The following CASD1 variants were observed in gnomAD, a reference collection of about 807,000 sequenced individuals.
The protein encoded by CASD1 is CAS1 domain sialic acid O acetyltransferase 1, also known as N-acetylneuraminate (7)9-O-acetyltransferase.
In CASD1, 41 loss-of-function variants were observed where a neutral mutation model predicts 100.0. That is an observed-to-expected ratio of 0.41 (90% CI 0.32 to 0.53). The LOEUF (loss-of-function observed/expected upper bound fraction) is 0.53, where lower values mean the gene tolerates loss of function less well. Ranked by LOEUF, CASD1 falls within the 20% of genes least tolerant of loss-of-function variation. The probability of loss-of-function intolerance (pLI) is 0.25; values close to 1 mark genes in which losing one functional copy is unlikely to be tolerated. For missense variants in CASD1, 774 were observed against 948.7 expected (o/e 0.82, Z 2.42); for synonymous variants, 321 against 315.6 (o/e 1.02, Z -0.18).
chr7:94,581,492 A>G, the CASD1 span, among the ~76,000 whole-genome samples: 1 of 152,212 alleles, frequency 6.6e-6, no homozygotes, highest in African/African-American at 2.4e-5. Flanking sequence ...TAAGCCCAGC[A>G]CCTACTAGAT....
intron 1 of CASD1, among the ~76,000 whole-genome samples, chr7:94,512,943 T>C (rs989519870): frequency 1.3e-5 from 2 of 152,246 alleles, no homozygotes; most frequent in South Asian, 2.1e-4. Flanking sequence ...TCATGCCTTA[T>C]GTTACAGTCT....
chr7:94,570,142 A>T, the CASD1 span, among the ~76,000 whole-genome samples: 2 of 152,050 alleles, frequency 1.3e-5, no homozygotes, highest in Non-Finnish European at 2.9e-5. Flanking sequence ...GCAAAGTTTA[A>T]TCCATTTAAA....
intron 3 of CASD1, among the ~76,000 whole-genome samples, chr7:94,520,283 T>C (rs1465881071): frequency 6.6e-6 from 1 of 152,238 alleles, no homozygotes; most frequent in Non-Finnish European, 1.5e-5. Context: ...ATCTGGCATA[T>C]TATAAAAGCT....
At chr7:94,593,518 A>C in the CASD1 span, among the ~76,000 whole-genome samples, 1 of 151,974 alleles carries the variant, frequency 6.6e-6, no homozygotes, top group Non-Finnish European at 1.5e-5. Flanking sequence ...TATTTTTTAG[A>C]AAATCAAATA....
chr7:94,536,329 C>T (rs1051596245), intron 8 of CASD1, among the ~76,000 whole-genome samples: 4 of 152,104 alleles, frequency 2.6e-5, no homozygotes, highest in Non-Finnish European at 5.9e-5. Flanking sequence ...TCCAAGTTGA[C>T]CTATGGAAAG....
intron 3 of CASD1, among the ~76,000 whole-genome samples, chr7:94,524,647 T>TA (rs1164411689): frequency 6.6e-6 from 1 of 152,182 alleles, no homozygotes; most frequent in African/African-American, 2.4e-5. Flanking sequence ...GGGAAATTCT[T>TA]ACTCTTTTGT....
At chr7:94,568,856 C>G in the CASD1 span, among the ~76,000 whole-genome samples, 6 of 152,094 alleles carry the variant, frequency 3.9e-5, no homozygotes, top group South Asian at 2.1e-4. Flanking sequence ...GGAAATGGAC[C>G]CTTTCCAGAC....
chr7:94,552,272 G>T (rs1335688504), intron 15 of CASD1, 78 bp from the exon 16 acceptor site: 2 of 933,018 alleles, frequency 2.1e-6, no homozygotes, highest in East Asian at 2.5e-5. Context: ...ATAAAGAACT[G>T]TAAAAAAAAA....
chr7:94,553,131 C>T (rs1796029760), intron 16 of CASD1: 2 of 476,812 alleles, frequency 4.2e-6, no homozygotes, highest in African/African-American at 4.0e-5. Context: ...TTAGGTCTCA[C>T]ATTCATGATT....
chr7:94,572,879 C>T, the CASD1 span, among the ~76,000 whole-genome samples: 1 of 152,152 alleles, frequency 6.6e-6, no homozygotes, highest in Non-Finnish European at 1.5e-5. Context: ...ATATTTAAGC[C>T]TTTAGTCCAT....
intron 1 of CASD1, among the ~76,000 whole-genome samples, chr7:94,514,537 T>C (rs1463207632): frequency 1.3e-5 from 2 of 152,202 alleles, no homozygotes; most frequent in Non-Finnish European, 2.9e-5. Context: ...TTGGGGTTTA[T>C]ATGGGCCATC....
At chr7:94,586,387 A>G in the CASD1 span, 1 of 152,368 alleles carries the variant, frequency 6.6e-6, no homozygotes, top group Admixed American at 6.5e-5. Flanking sequence ...AGAAGAATTT[A>G]GAAATTGAGA....
At chr7:94,587,748 A>G in the CASD1 span, 2 of 1,534,416 alleles carry the variant, frequency 1.3e-6, no homozygotes, top group Non-Finnish European at 1.8e-6. Context: ...CTTGTAATTG[A>G]AATCTGATGA....
At chr7:94,559,361 A>G (rs1381886355), downstream of CASD1, among the ~76,000 whole-genome samples, 1 of 151,042 alleles carries the variant, frequency 6.6e-6, no homozygotes. Flanking sequence ...AATTTCTTTT[A>G]CAATTACGCA....
chr7:94,571,112 C>A, the CASD1 span, among the ~76,000 whole-genome samples: 3 of 150,750 alleles, frequency 2.0e-5, no homozygotes, highest in African/African-American at 7.4e-5. Flanking sequence ...AGTGCAATCA[C>A]AGCTCACTGC....
the CASD1 span, chr7:94,620,548 T>C: frequency 2.0e-5 from 3 of 152,228 alleles, no homozygotes; most frequent in Non-Finnish European, 4.4e-5. Context: ...AAATGTGTTA[T>C]GAGAAAGTTT....
chr7:94,549,876 TTGTC>T (rs1170052125), intron 14 of CASD1, among the ~76,000 whole-genome samples: 3 of 152,066 alleles, frequency 2.0e-5, no homozygotes, highest in Non-Finnish European at 4.4e-5. Context: ...AACATGGCCT[TTGTC>T]TGACTTATAA....
Position 94,532,892 on chromosome 7 carries a change from C to A in CASD1, c.460-313C>A, listed in dbSNP as rs1040847921. 5.3e-4 allele frequency among the ~76,000 whole-genome samples: 81 copies of A among 152,226 alleles called. 1 individual carries two copies. Among genetic ancestry groups the A allele is most frequent in the African/African-American group, 1.8e-3 (74 of 41,548 alleles). On this transcript the variant is annotated intron_variant, in intron 5 of 17. Coordinates refer to ENST00000297273, the MANE Select transcript of CASD1 (RefSeq NM_022900.5). ...TAATACACTAGAGCTTTACTCTAAG[C>A]ATTTTACTCAGAGTTCAGAATATTA...
intron 3 of CASD1, among the ~76,000 whole-genome samples, chr7:94,522,977 C>A (rs951067436): frequency 4.6e-5 from 7 of 152,072 alleles, no homozygotes; most frequent in African/African-American, 1.7e-4. Flanking sequence ...TTATTTTTAA[C>A]GTGTATTACA....
Sources: allele counts gnomAD v4.1 joint callset (sites outside exome capture counted in the v4.1 genomes callset), GRCh38; gene constraint gnomAD v4.1.1; transcripts MANE v1.5; gene names NCBI Gene and HGNC (gene_info 2026-07-23, HGNC 2026-07-21).